The following CLASP2 variants were observed in gnomAD, a reference collection of about 807,000 sequenced individuals.
The protein encoded by CLASP2 is CLIP-associating protein 2.
In CLASP2, 47 loss-of-function variants were observed where a neutral mutation model predicts 194.4. The observed-to-expected ratio is 0.24, with a 90% CI of 0.19 to 0.31. The LOEUF (loss-of-function observed/expected upper bound fraction) is 0.31. Among genes scored for constraint, CLASP2 ranks in the 10% least tolerant of loss-of-function variants. The probability of loss-of-function intolerance (pLI) is 1.00; values close to 1 mark genes in which losing one functional copy is unlikely to be tolerated. For missense variants in CLASP2, 1,445 were observed against 1,823.6 expected (o/e 0.79, Z 3.78); for synonymous variants, 619 against 633.5 (o/e 0.98, Z 0.34).
At chr3:33,526,995 T>C (rs1400565039) in intron 34 of CLASP2, among the ~76,000 whole-genome samples, 1 of 152,120 alleles carries the variant, frequency 6.6e-6, no homozygotes, top group Non-Finnish European at 1.5e-5. Context: ...AAGAGGTAAA[T>C]TCATAGCACT....
At chr3:33,606,864 G>T in intron 15 of CLASP2, 106 bp from the exon 16 acceptor site, 1 of 788,470 alleles carries the variant, frequency 1.3e-6, no homozygotes, top group Non-Finnish European at 2.0e-6. Context: ...CTGGTTTTCA[G>T]CATTATCTGA....
chr3:33,573,589 T>A (rs1288822774), intron 24 of CLASP2: 2 of 542,608 alleles, frequency 3.7e-6, no homozygotes, highest in East Asian at 6.6e-5. Flanking sequence ...AGAGTAAGAC[T>A]ATATGGAAGT....
intron 1 of CLASP2, among the ~76,000 whole-genome samples, chr3:33,697,536 C>A (rs1188709251): frequency 6.6e-6 from 1 of 152,158 alleles, no homozygotes; most frequent in East Asian, 1.9e-4. Context: ...TCTTATGGGA[C>A]CACCATTGTA....
chr3:33,602,779 A>G, intron 18 of CLASP2, 173 bp downstream of exon 18: 1 of 727,840 alleles, frequency 1.4e-6, no homozygotes, highest in Non-Finnish European at 2.4e-6. Context: ...GGAAAAGGAG[A>G]AACAAGGCAG....
intron 1 of CLASP2, among the ~76,000 whole-genome samples, chr3:33,716,340 T>C (rs1038799527): frequency 4.6e-5 from 7 of 152,020 alleles, no homozygotes; most frequent in African/African-American, 1.7e-4. Flanking sequence ...CAGCACCGAG[T>C]AGAAGTAGGG....
intron 7 of CLASP2, among the ~76,000 whole-genome samples, chr3:33,652,919 AC>A (rs1408051123): frequency 1.3e-5 from 2 of 151,866 alleles, no homozygotes; most frequent in Non-Finnish European, 2.9e-5. Flanking sequence ...GTTTCTCTTT[AC>A]CTCTGCTGCC....
At chr3:33,707,445 GA>G in intron 1 of CLASP2, among the ~76,000 whole-genome samples, 1 of 152,256 alleles carries the variant, frequency 6.6e-6, no homozygotes, top group East Asian at 1.9e-4. Context: ...TGTAAATGGG[GA>G]AAGTTTCTCC....
chr3:33,511,178 A>G (rs759949165), intron 36 of CLASP2, among the ~76,000 whole-genome samples: 54 of 152,124 alleles, frequency 3.5e-4, no homozygotes, highest in Non-Finnish European at 1.2e-4. Context: ...AACTACAGGC[A>G]TGCACCATCA....
At chr3:33,568,987 A>C (rs909144217) in intron 26 of CLASP2, among the ~76,000 whole-genome samples, 4 of 152,228 alleles carry the variant, frequency 2.6e-5, no homozygotes, top group African/African-American at 9.6e-5. Flanking sequence ...TCTCTGATGG[A>C]CAATCAATGG....
At chr3:33,569,246 CT>C (rs886246549) in intron 26 of CLASP2, among the ~76,000 whole-genome samples, 1 of 152,088 alleles carries the variant, frequency 6.6e-6, no homozygotes, top group African/African-American at 2.4e-5. Flanking sequence ...CCTATTTGAT[CT>C]TTTTTAAAAA....
At chr3:33,551,425 A>G (rs528609747) in intron 29 of CLASP2, 30 bp from the exon 30 acceptor site, 1 of 1,601,232 alleles carries the variant, frequency 6.2e-7, no homozygotes, top group East Asian at 2.2e-5. Context: ...GAGAAAGGAC[A>G]GAAAGATGGT....
At chr3:33,605,393 C>A (rs1471049401) in intron 16 of CLASP2, among the ~76,000 whole-genome samples, 1 of 152,152 alleles carries the variant, frequency 6.6e-6, no homozygotes, top group Non-Finnish European at 1.5e-5. Flanking sequence ...TTAGATAGGT[C>A]ATTATTCCTA....
chr3:33,594,524 A>T (rs1022403349), intron 20 of CLASP2, among the ~76,000 whole-genome samples: 2 of 152,080 alleles, frequency 1.3e-5, no homozygotes, highest in Non-Finnish European at 2.9e-5. Context: ...ATTTAAAAGC[A>T]GACTAAGTAA....
intron 19 of CLASP2, 45 bp from the exon 20 acceptor site, chr3:33,595,013 G>T: frequency 7.5e-7 from 1 of 1,331,666 alleles, no homozygotes; most frequent in Non-Finnish European, 1.0e-6. Context: ...TTCTGCCAAT[G>T]TTGATATTAA....
intron 23 of CLASP2, among the ~76,000 whole-genome samples, chr3:33,576,765 C>T (rs1376255979): frequency 6.6e-6 from 1 of 152,202 alleles, no homozygotes; most frequent in Admixed American, 6.5e-5. Context: ...AACTAAGAGA[C>T]ATCCATTTGA....
intron 1 of CLASP2, among the ~76,000 whole-genome samples, chr3:33,706,577 AT>A (rs1380207523): frequency 4.6e-5 from 7 of 152,328 alleles, no homozygotes. Flanking sequence ...CAGAAAAAAG[AT>A]ACAGACAGAA....
chr3:33,696,638 G>T (rs1043837653), intron 2 of CLASP2, among the ~76,000 whole-genome samples: 1 of 151,646 alleles, frequency 6.6e-6, no homozygotes, highest in East Asian at 1.9e-4. Context: ...GCTAATTTTT[G>T]TATTTTTTGT....
At chr3:33,644,953 A>AT (rs1364272268) in intron 7 of CLASP2, 50 bp from the exon 8 acceptor site, 2 of 1,533,856 alleles carry the variant, frequency 1.3e-6, no homozygotes, top group African/African-American at 2.8e-5. Flanking sequence ...GCTTTGTTCC[A>AT]TTTTCCCTAA....
intron 21 of CLASP2, among the ~76,000 whole-genome samples, chr3:33,589,348 C>A (rs181726868): frequency 6.6e-6 from 1 of 152,014 alleles, no homozygotes; most frequent in Non-Finnish European, 1.5e-5. Flanking sequence ...TCAGAACACA[C>A]CTGCTTTGAT....
Sources: gnomAD v4.1 joint callset for allele counts (sites outside exome capture counted in the v4.1 genomes callset) on GRCh38, gnomAD v4.1.1 for gene constraint, MANE v1.5 for transcripts, NCBI Gene and HGNC (gene_info 2026-07-23, HGNC 2026-07-21) for gene names.